LDLRAD4: variants seen among roughly 807,000 people sequenced by gnomAD.
LDLRAD4 encodes low density lipoprotein receptor class A domain containing 4.
A neutral mutation model predicts 17.0 loss-of-function variants in LDLRAD4; 5 were observed. The ratio of observed to expected loss-of-function variants is 0.29; its 90% CI spans 0.15 to 0.62. LDLRAD4 has a LOEUF of 0.62. LDLRAD4 is among the 20% of genes least tolerant of loss of function. The probability of loss-of-function intolerance (pLI) is 0.84; values close to 1 mark genes in which losing one functional copy is unlikely to be tolerated. For missense variants in LDLRAD4, 340 were observed against 424.7 expected (o/e 0.80, Z 1.75); for synonymous variants, 168 against 171.8 (o/e 0.98, Z 0.17).
At chr18:13,222,575 G>A (rs919357400) in intron 1 of LDLRAD4, among the ~76,000 whole-genome samples, 3 of 152,224 alleles carry the variant, frequency 2.0e-5, no homozygotes, top group Non-Finnish European at 2.9e-5. Flanking sequence ...GCCGGCGGCC[G>A]GCTGGGCGCC....
chr18:13,502,661 G>A (rs891855864), intron 3 of LDLRAD4, among the ~76,000 whole-genome samples: 29 of 152,204 alleles, frequency 1.9e-4, no homozygotes, highest in African/African-American at 5.8e-4. Flanking sequence ...CCCACTCTCA[G>A]CTAGCTTGGG....
At chr18:13,363,690 T>C (rs1470672900) in intron 1 of LDLRAD4, among the ~76,000 whole-genome samples, 5 of 152,172 alleles carry the variant, frequency 3.3e-5, no homozygotes, top group Admixed American at 2.6e-4. Flanking sequence ...ATTTCCATGA[T>C]AAAATATGTA....
intron 1 of LDLRAD4, among the ~76,000 whole-genome samples, chr18:13,375,505 G>C (rs2144956534): frequency 6.6e-6 from 1 of 152,332 alleles, no homozygotes; most frequent in African/African-American, 2.4e-5. Context: ...CTGTGTGTTG[G>C]GCTGGAAATG....
At chr18:13,482,083 G>A (rs1410183088) in intron 3 of LDLRAD4, among the ~76,000 whole-genome samples, 1 of 152,106 alleles carries the variant, frequency 6.6e-6, no homozygotes, top group Non-Finnish European at 1.5e-5. Context: ...CAGTGGGGAG[G>A]CAAGCAGGGA....
chr18:13,348,062 T>C (rs1208801405), intron 1 of LDLRAD4, among the ~76,000 whole-genome samples: 1 of 152,230 alleles, frequency 6.6e-6, no homozygotes, highest in Non-Finnish European at 1.5e-5. Flanking sequence ...GAAGCCTTCT[T>C]TTCTCAACTC....
rs955850179 is a variant in LDLRAD4, at chr18:13,249,112, G to A, written c.-466-28993G>A. The stretch of plus-strand genomic sequence containing the variant: ...TTTGTATGGCTGATTGGTACGCCAT[G>A]GTGTATATGTTCCACATTTTGTCTC... On this transcript the variant is annotated intron_variant, in intron 1 of 5. Coordinates refer to the LDLRAD4 transcript ENST00000399848. Among the ~76,000 whole-genome samples, 16 of 152,316 alleles carry A rather than the reference G, an allele frequency of 1.1e-4. No homozygotes were observed. The East Asian group carries it at 2.9e-3, about 28-fold the overall frequency.
At chr18:13,528,633 A>G (rs1011379274) in intron 3 of LDLRAD4, among the ~76,000 whole-genome samples, 1 of 152,200 alleles carries the variant, frequency 6.6e-6, no homozygotes, top group African/African-American at 2.4e-5. Context: ...CGCTGTTATT[A>G]TCATCTGTTT....
intron 1 of LDLRAD4, among the ~76,000 whole-genome samples, chr18:13,282,554 T>G (rs569969521): frequency 2.0e-5 from 3 of 152,344 alleles, no homozygotes; most frequent in Admixed American, 1.3e-4. Flanking sequence ...AATGATCTCC[T>G]TTGATCCCAG....
At position 13,367,845 on chromosome 18, in the gene LDLRAD4, G is replaced by A. The variant is rs1205577953; in HGVS notation, c.-382-19496G>A. Reference sequence around the variant, plus strand: ...AGAGGGGACAGTGGGGTGTGGGGGTGTGCTATCAAGGGGTGTATCGAGAGG... The same window carrying A: ...AGAGGGGACAGTGGGGTGTGGGGGTATGCTATCAAGGGGTGTATCGAGAGG... On this transcript the variant is annotated intron_variant, in intron 1 of 5. Transcript: ENST00000359446. The surrounding 1 kb of genome is among the most constrained non-coding windows in gnomAD (Gnocchi z 4.1). 6.6e-6 allele frequency among the ~76,000 whole-genome samples: 1 copy of A among 151,824 alleles called. No individual in the cohort carries two copies. Among genetic ancestry groups the A allele is most frequent in the Admixed American group, 6.6e-5 (1 of 15,236 alleles).
At chr18:13,272,435 A>G (rs958107435) in intron 1 of LDLRAD4, among the ~76,000 whole-genome samples, 3 of 152,194 alleles carry the variant, frequency 2.0e-5, no homozygotes, top group African/African-American at 7.2e-5. Flanking sequence ...AAATTGGACC[A>G]CTTTACTGTT....
At chr18:13,327,853 C>T (rs1028241073) in intron 1 of LDLRAD4, among the ~76,000 whole-genome samples, 1 of 152,158 alleles carries the variant, frequency 6.6e-6, no homozygotes, top group African/African-American at 2.4e-5. Flanking sequence ...TGCTTTGCTT[C>T]TGGGCTGTCA....
At chr18:13,413,030 G>T (rs2088527272) in intron 2 of LDLRAD4, among the ~76,000 whole-genome samples, 1 of 152,214 alleles carries the variant, frequency 6.6e-6, no homozygotes, top group Admixed American at 6.5e-5. Context: ...CATCAGTCAG[G>T]ATTCTTCTTG....
chr18:13,239,034 A>G lies in LDLRAD4; in HGVS notation c.-467+20046A>G, dbSNP rs549942435. Among the ~76,000 whole-genome samples the G allele has an allele frequency of 2.0e-5, 3 of 152,118 alleles. No individual in the cohort carries two copies. The East Asian group carries it at 5.8e-4, about 29-fold the overall frequency. On this transcript the variant is annotated intron_variant, in intron 1 of 5. Coordinates refer to the LDLRAD4 transcript ENST00000399848. ...AACCCTGTCTCTACTAAAAATAAGA[A>G]AAATTAGCTGGGCGTGGTGGCGCAC...
chr18:13,468,399 G>A (rs1431827291), intron 3 of LDLRAD4, among the ~76,000 whole-genome samples: 1 of 152,164 alleles, frequency 6.6e-6, no homozygotes, highest in Non-Finnish European at 1.5e-5. Flanking sequence ...TACACTGTTG[G>A]TGGGACTGTA....
intron 4 of LDLRAD4, among the ~76,000 whole-genome samples, chr18:13,640,643 G>C (rs984054663): frequency 2.6e-5 from 4 of 152,226 alleles, no homozygotes; most frequent in Non-Finnish European, 5.9e-5. Flanking sequence ...CTGGTGGGCT[G>C]GCCTGGGAAA....
intron 3 of LDLRAD4, among the ~76,000 whole-genome samples, chr18:13,532,248 G>A (rs564009131): frequency 7.8e-4 from 119 of 152,344 alleles, no homozygotes; most frequent in African/African-American, 2.8e-3. Context: ...ATTGGGAGGG[G>A]CAGCGAAGCA....
exon 2 of LDLRAD4, chr18:13,387,672 C>T (rs964918383): frequency 1.3e-6 from 2 of 1,589,682 alleles, no homozygotes; most frequent in South Asian, 1.1e-5. Context: ...CCGGCGGCTT[C>T]CTCGACGGGA....
chr18:13,339,668 A>G (rs1257502646), intron 1 of LDLRAD4, among the ~76,000 whole-genome samples: 4 of 152,230 alleles, frequency 2.6e-5, no homozygotes, highest in African/African-American at 9.6e-5. Flanking sequence ...GTAATAAAAT[A>G]TTATGGAGAA....
chr18:13,321,202 T>A (rs1029399912), intron 1 of LDLRAD4, among the ~76,000 whole-genome samples: 2 of 152,100 alleles, frequency 1.3e-5, no homozygotes, highest in African/African-American at 4.8e-5. Context: ...GCCGGTCTCC[T>A]GCCCCTACCC....
Sources: gnomAD v4.1 joint callset for allele counts (sites outside exome capture counted in the v4.1 genomes callset) on GRCh38, gnomAD v4.1.1 for gene constraint, Gnocchi (gnomAD v3.1) non-coding constraint, MANE v1.5 for transcripts, NCBI Gene and HGNC (gene_info 2026-07-23, HGNC 2026-07-21) for gene names.